WDTC1: variants seen among roughly 807,000 people sequenced by gnomAD.
WDTC1 encodes WD and tetratricopeptide repeats 1, also known as WD and tetratricopeptide repeats protein 1.
A neutral mutation model predicts 76.0 loss-of-function variants in WDTC1; 12 were observed. The observed-to-expected ratio is 0.16, with a 90% CI of 0.10 to 0.26. The LOEUF is 0.26. Among genes scored for constraint, WDTC1 ranks in the 10% least tolerant of loss-of-function variants. The pLI is 1.00. For synonymous variants in WDTC1, 326 were observed against 350.8 expected, an observed-to-expected ratio of 0.93 and a Z score of 0.79; for missense variants, 511 against 908.8, an observed-to-expected ratio of 0.56 and a Z score of 5.63.
rs748896427 is a variant in WDTC1 at position 27,263,206 on chromosome 1, C to T, written c.103C>T (p.Arg35Trp). 15 of 1,613,374 alleles carry T rather than the reference C, an allele frequency of 9.3e-6. No homozygotes were observed. The highest frequency in any genetic ancestry group is 1.3e-5 in the African/African-American group (1 of 74,898). The part of the protein sequence containing the change: ...RRYHVTDPFI[R>W]RLGLEAELQG... ...CTACCATGTCACTGACCCCTTTATC[C>T]GGCGGCTGGGCCTGGAAGCAGAGCT... Residue 35 changes from arginine to tryptophan, a missense_variant, in exon 3 of 16, where the codon CGG becomes TGG. Transcript: ENST00000319394.
At position 27,234,650 on chromosome 1, in the gene WDTC1, C is replaced by G. The variant is rs1440866622; in HGVS notation, c.-401C>G. The G allele has an allele frequency of 5.0e-6, 2 of 396,074 alleles. No individual in the cohort carries two copies. Among genetic ancestry groups the G allele is most frequent in the African/African-American group, 2.1e-5 (1 of 48,600 alleles). 24.5% of individuals were successfully genotyped at this position (396,074 alleles called of 1,614,324 possible). A position where few individuals can be genotyped will look rare whatever the true frequency, so the allele number is the denominator to read the frequency against. ...CGTTGCTGGGCTTCTCCTGGGTCCCCAGACAGCTGGAGGAGATAAACAGAG... is the reference window on the plus strand; with the variant it reads ...CGTTGCTGGGCTTCTCCTGGGTCCCGAGACAGCTGGAGGAGATAAACAGAG... On this transcript the variant is annotated 5_prime_UTR_variant, in exon 1 of 16. Coordinates refer to ENST00000319394, the MANE Select transcript of WDTC1 (RefSeq NM_001276252.2).
chr1:27,247,735 T>C lies in WDTC1; in HGVS notation c.-100+12784T>C, dbSNP rs12564037. Among the ~76,000 whole-genome samples the C allele has an allele frequency of 1.3e-5, 2 of 149,854 alleles. 1 individual carries two copies. Among genetic ancestry groups the C allele is most frequent in the Non-Finnish European group, 3.0e-5 (2 of 67,396 alleles). On this transcript the variant is annotated intron_variant, in intron 1 of 15. Coordinates refer to ENST00000319394, the MANE Select transcript of WDTC1 (RefSeq NM_001276252.2). ...TTCTTTTTTTTTTTTTTTTTCTTTG[T>C]GAGATGGAGTTTCACTCTTGTTGCC...
intron 6 of WDTC1, among the ~76,000 whole-genome samples, chr1:27,289,430 G>A (rs1168745818): frequency 6.6e-6 from 1 of 150,768 alleles, no homozygotes; most frequent in East Asian, 2.0e-4. Flanking sequence ...GACGATGGGC[G>A]GCCGGGCAGA....
At position 27,305,319 on chromosome 1, in the gene WDTC1, C is replaced by T. The variant is rs886131250; in HGVS notation, c.1836+126C>T. 1.6e-5 allele frequency: 20 copies of T among 1,220,384 alleles called. No individual in the cohort carries two copies. The highest frequency in any genetic ancestry group is 2.9e-5 in the Admixed American group (1 of 34,916). 75.6% of individuals were successfully genotyped at this position (1,220,384 alleles called of 1,614,324 possible). On this transcript the variant is annotated intron_variant, in intron 15 of 15. Coordinates refer to ENST00000319394, the MANE Select transcript of WDTC1 (RefSeq NM_001276252.2). This position sits in a 1 kb window ranked among gnomAD's most constrained non-coding sequence, Gnocchi z 4.6. ...AGAAGCTGCTAAGTAAGCCTTACCC[C>T]GGGGCCCAAGGCTGTGTTCTCAGAT...
chr1:27,258,746 GTCT>G (rs1233400470), intron 1 of WDTC1, among the ~76,000 whole-genome samples: 1 of 152,190 alleles, frequency 6.6e-6, no homozygotes, highest in African/African-American at 2.4e-5. Context: ...TAGGTGTCGA[GTCT>G]TCTTTTGTGG....
chr1:27,292,309 G>A lies in WDTC1; in HGVS notation c.574G>A (p.Val192Ile), dbSNP rs1468735882. ...GCTGGTGGAGGCCAAGTGCCTCACT[G>A]TCAACCCCCAGGACAACAACTGCCT... ...GQLVEAKCLT[V>I]NPQDNNCLAV... The change falls in exon 7 of 16, where the codon GTC becomes ATC. Residue 192 changes from valine (V) to isoleucine (I), a missense_variant. Physicochemically the swap from Val to Ile is conservative, Grantham distance 29 (BLOSUM62 3). Transcript: ENST00000319394. 2 of 1,613,270 alleles carry A rather than the reference G, an allele frequency of 1.2e-6. No homozygotes were observed. The highest frequency in any genetic ancestry group is 1.7e-6 in the Non-Finnish European group (2 of 1,179,714).
At chr1:27,304,923 A>C (rs1570991639) in intron 14 of WDTC1, 78 bp from the exon 15 acceptor site, 1 of 1,432,236 alleles carries the variant, frequency 7.0e-7, no homozygotes, top group Non-Finnish European at 9.4e-7. Context: ...CTCCCCCTTT[A>C]CCTAGGCCAT....
intron 13 of WDTC1, among the ~76,000 whole-genome samples, chr1:27,302,096 C>T (rs2013845039): frequency 6.6e-6 from 1 of 152,182 alleles, no homozygotes. Flanking sequence ...TCATAGGAGG[C>T]AGACATGGAT....
At chr1:27,257,797 T>C (rs911322093) in intron 1 of WDTC1, among the ~76,000 whole-genome samples, 1 of 152,050 alleles carries the variant, frequency 6.6e-6, no homozygotes. Flanking sequence ...TGTTTGTTTG[T>C]TTTTTCTTTT....
intron 3 of WDTC1, among the ~76,000 whole-genome samples, chr1:27,273,036 C>A (rs769614370): frequency 6.6e-6 from 1 of 152,070 alleles, no homozygotes; most frequent in African/African-American, 2.4e-5. Flanking sequence ...AAATGCCATT[C>A]TCTATTAAAA....
At chr1:27,293,632 G>C (rs2013601802) in intron 7 of WDTC1, among the ~76,000 whole-genome samples, 1 of 151,896 alleles carries the variant, frequency 6.6e-6, no homozygotes, top group African/African-American at 2.4e-5. Context: ...GACCTGAGTT[G>C]CCTCTCCAGC....
In WDTC1 at chr1:27,306,724, C is replaced by CTT. The variant is rs1300981854; in HGVS notation, c.*342_*343dup. Reference sequence around the variant, plus strand: ...GGTGGGGAGGAACAAGCTGAACTGTCTTCAGGGACTGTCCTGCCCTTTAGC... The same window carrying CTT: ...GGTGGGGAGGAACAAGCTGAACTGTCTTTTCAGGGACTGTCCTGCCCTTTAGC... On this transcript the variant is annotated 3_prime_UTR_variant, in exon 16 of 16. Transcript: ENST00000319394. This position sits in a 1 kb window ranked among gnomAD's most constrained non-coding sequence, Gnocchi z 5.0. 5.7e-6 allele frequency: 2 copies of CTT among 349,818 alleles called. No homozygotes were observed. The highest frequency in any genetic ancestry group is 4.2e-5 in the African/African-American group (2 of 48,078). 21.7% of individuals were successfully genotyped at this position (349,818 alleles called of 1,614,324 possible). A position where few individuals can be genotyped will look rare whatever the true frequency, so the allele number is the denominator to read the frequency against.
Position 27,241,752 on chromosome 1 carries a change from C to T in WDTC1, c.-100+6801C>T, listed in dbSNP as rs537173593. Among the ~76,000 whole-genome samples the T allele has an allele frequency of 2.0e-5, 3 of 152,240 alleles. No individual in the cohort carries two copies. The South Asian group carries it at 6.2e-4, about 32-fold the overall frequency. ...TATGCTCCCTTTTCTCTGTTTCCTT[C>T]CACTATCTTAAGGTAATTGTGAGGC... On this transcript the variant is annotated intron_variant, in intron 1 of 15. Transcript: ENST00000319394.
rs145350191 is a variant in WDTC1 at position 27,256,010 on chromosome 1, G to A, written c.-99-4946G>A. The stretch of plus-strand genomic sequence containing the variant: ...CAGAGAACCCCTCTCTATCAGGCAG[G>A]ATTTGTAGTTGTATGCAACAGAAAC... On this transcript the variant is annotated intron_variant, in intron 1 of 15. Transcript: ENST00000319394. 4.6e-3 allele frequency among the ~76,000 whole-genome samples: 702 copies of A among 152,196 alleles called. 7 individuals carry two copies. The highest frequency in any genetic ancestry group is 0.016 in the African/African-American group (669 of 41,524).
In WDTC1 at chr1:27,276,641, C is replaced by T. The variant is rs187095610; in HGVS notation, c.133-5598C>T. Among the ~76,000 whole-genome samples, 53 of 150,576 alleles carry T rather than the reference C, an allele frequency of 3.5e-4. 1 individual carries two copies. The highest frequency in any genetic ancestry group is 1.8e-3 in the Admixed American group (27 of 15,066). ...CCAGGAGGAGGAGATTGCAGTGAGC[C>T]GAGATTGCGCCACTGCACTCCAGCC... On this transcript the variant is annotated intron_variant, in intron 3 of 15. Transcript: ENST00000319394.
Position 27,282,292 on chromosome 1 carries a change from A to G in WDTC1, c.179+7A>G. 6.2e-7 allele frequency: 1 copy of G among 1,613,712 alleles called. No individual in the cohort carries two copies. Among genetic ancestry groups the G allele is most frequent in the Non-Finnish European group, 8.5e-7 (1 of 1,179,694 alleles). ...AGTGGAATGAGAAAGGAGAGTAAGT[A>G]TGAGCTAGAGCACCTGAAGGGTGCT... On this transcript the variant is annotated splice_region_variant and intron_variant, in intron 4 of 15. Coordinates refer to ENST00000319394, the MANE Select transcript of WDTC1 (RefSeq NM_001276252.2).
intron 4 of WDTC1, 95 bp downstream of exon 4, chr1:27,282,380 TG>T: frequency 7.9e-7 from 1 of 1,262,832 alleles, no homozygotes; most frequent in Non-Finnish European, 1.1e-6. Context: ...AGGAAAAGAT[TG>T]GACCCAAATG....
rs1039979181 is a variant in WDTC1, at chr1:27,287,279, G to A, written c.292-395G>A. Among the ~76,000 whole-genome samples the A allele has an allele frequency of 2.0e-5, 3 of 152,220 alleles. No individual in the cohort carries two copies. In the East Asian group the frequency reaches 5.8e-4, roughly 29 times the overall value. ...TAGGTTACTAAGTAGTCATAATGAG[G>A]CAAGTAGGGCATGTGGGAGTCAGAC... On this transcript the variant is annotated intron_variant, in intron 5 of 15. Coordinates refer to ENST00000319394, the MANE Select transcript of WDTC1 (RefSeq NM_001276252.2).
chr1:27,268,715 C>T (rs1329409678), intron 3 of WDTC1, among the ~76,000 whole-genome samples: 1 of 145,242 alleles, frequency 6.9e-6, no homozygotes, highest in Non-Finnish European at 1.5e-5. Flanking sequence ...TGCGCCCAGC[C>T]GATTTTTTAG....
Sources: allele counts gnomAD v4.1 joint callset (sites outside exome capture counted in the v4.1 genomes callset), GRCh38; gene constraint gnomAD v4.1.1; non-coding constraint Gnocchi (gnomAD v3.1); transcripts MANE v1.5; gene names NCBI Gene and HGNC (gene_info 2026-07-23, HGNC 2026-07-21).